WHRN: variants seen among roughly 807,000 people sequenced by gnomAD.
WHRN encodes the protein CASK-interacting protein CIP98.
Under a neutral mutation model 68.3 loss-of-function variants are expected in WHRN, and 41 were observed. The observed-to-expected ratio is 0.60, with a 90% CI of 0.47 to 0.78. The LOEUF (loss-of-function observed/expected upper bound fraction) is 0.78. Among genes scored for constraint, WHRN ranks in the 30% least tolerant of loss-of-function variants. The probability of loss-of-function intolerance (pLI) is 0.00; values close to 1 mark genes in which losing one functional copy is unlikely to be tolerated. For missense variants in WHRN, 1,243 were observed against 1,244.7 expected (o/e 1.00, Z 0.02); for synonymous variants, 560 against 561.3 (o/e 1.00, Z 0.03).
intron 3 of WHRN, 36 bp downstream of exon 3, chr9:114,466,231 T>C (rs1840677066): frequency 1.9e-6 from 3 of 1,612,976 alleles, no homozygotes; most frequent in South Asian, 2.2e-5. Flanking sequence ...AAGAGCTCCA[T>C]GCACAGAGTT....
intron 7 of WHRN, among the ~76,000 whole-genome samples, chr9:114,412,463 A>G (rs1336514154): frequency 1.3e-5 from 2 of 152,076 alleles, no homozygotes; most frequent in African/African-American, 2.4e-5. Context: ...GGGACCCTTC[A>G]CCCACTCTAC....
Position 114,466,307 on chromosome 9 carries a change from C to T in WHRN, c.923G>A (p.Gly308Asp). 2 of 1,614,138 alleles carry T rather than the reference C, an allele frequency of 1.2e-6. No homozygotes were observed. Among genetic ancestry groups the T allele is most frequent in the South Asian group, 2.2e-5 (2 of 91,092 alleles). ...AEYGLGIYIT[G>D]VDPGSEAEGS... Reference sequence around the variant, plus strand: ...TTCTGCTTCAGAGCCTGGGTCCACGCCAGTGATGTAAATGCCAAGGCCGTA... The same window carrying T: ...TTCTGCTTCAGAGCCTGGGTCCACGTCAGTGATGTAAATGCCAAGGCCGTA... The change falls in exon 3 of 12, where the codon GGC becomes GAC. Residue 308 changes from glycine (G) to aspartate (D), a missense_variant. Transcript: ENST00000362057.
At chr9:114,465,407 T>C (rs547225228) in intron 3 of WHRN, among the ~76,000 whole-genome samples, 1 of 152,304 alleles carries the variant, frequency 6.6e-6, no homozygotes, top group African/African-American at 2.4e-5. Context: ...CATGGTCCTT[T>C]GGCCAGCCAC....
chr9:114,428,199 G>A (rs1348717212), intron 3 of WHRN, among the ~76,000 whole-genome samples: 2 of 152,084 alleles, frequency 1.3e-5, no homozygotes, highest in African/African-American at 4.8e-5. Flanking sequence ...GAGGTGGTGC[G>A]CCTGTAGTCC....
intron 1 of WHRN, among the ~76,000 whole-genome samples, chr9:114,488,285 C>T (rs1034043370): frequency 3.9e-5 from 6 of 152,126 alleles, no homozygotes; most frequent in South Asian, 4.1e-4. Context: ...CTGGGCAGGG[C>T]GCACAGGAGG....
At chr9:114,470,342 C>T (rs1841100988) in intron 2 of WHRN, among the ~76,000 whole-genome samples, 1 of 152,120 alleles carries the variant, frequency 6.6e-6, no homozygotes, top group Non-Finnish European at 1.5e-5. Flanking sequence ...GTGCTAAGCC[C>T]ACACACAGGA....
chr9:114,466,640 G>C (rs541449262), intron 2 of WHRN, among the ~76,000 whole-genome samples: 4 of 152,278 alleles, frequency 2.6e-5, no homozygotes, highest in Admixed American at 2.6e-4. Flanking sequence ...GTAGTGGGGG[G>C]AAGGTGCTGA....
intron 1 of WHRN, among the ~76,000 whole-genome samples, chr9:114,502,123 T>A (rs1006735348): frequency 6.6e-6 from 1 of 152,322 alleles, no homozygotes; most frequent in Non-Finnish European, 1.5e-5. Context: ...TCATTTTGCC[T>A]GTTGCTTCTG....
intron 3 of WHRN, among the ~76,000 whole-genome samples, chr9:114,454,613 A>G (rs759095765): frequency 6.6e-6 from 1 of 152,198 alleles, no homozygotes; most frequent in Non-Finnish European, 1.5e-5. Flanking sequence ...GCAAGACTGA[A>G]TAGTATGAAG....
intron 1 of WHRN, among the ~76,000 whole-genome samples, chr9:114,497,614 A>T (rs939014252): frequency 3.9e-5 from 6 of 152,224 alleles, no homozygotes; most frequent in African/African-American, 1.4e-4. Flanking sequence ...AGAATGCATA[A>T]ATAATTCTAT....
rs749114026 is a variant in WHRN at position 114,504,625 on chromosome 9, G to A, written c.177C>T (p.Thr59=). 3.7e-6 allele frequency: 6 copies of A among 1,609,874 alleles called. No homozygotes were observed. In the African/African-American group the frequency reaches 5.3e-5, roughly 14 times the overall value. Residue 59 remains threonine (T), a synonymous_variant, in exon 1 of 12, where the codon ACC becomes ACT. Coordinates refer to ENST00000362057, the MANE Select transcript of WHRN (RefSeq NM_015404.4). ...LLSEAEREQF[T]HCLNAYHARR... Reference sequence around the variant, plus strand: ...GCGCGTGGTAAGCGTTCAGGCAGTGGGTGAACTGCTCCCGCTCCGCCTCGC... The same window carrying A: ...GCGCGTGGTAAGCGTTCAGGCAGTGAGTGAACTGCTCCCGCTCCGCCTCGC...
rs796867439 is a variant in WHRN at position 114,493,348 on chromosome 9, CTTT to C, written c.618+10833_618+10835del. Among the ~76,000 whole-genome samples the C allele has an allele frequency of 2.3e-3, 176 of 75,224 alleles. 1 individual carries two copies. The highest frequency in any genetic ancestry group is 9.1e-3 in the African/African-American group (166 of 18,198). 49.3% of individuals were successfully genotyped at this position (75,224 alleles called of 152,430 possible). The stretch of plus-strand genomic sequence containing the variant: ...CCTGGCCAACAGAATAAGACCCTAT[CTTT>C]TTTTTAAAAAAAAAAAAAAAGTGGG... On this transcript the variant is annotated intron_variant, in intron 1 of 11. Coordinates refer to ENST00000362057, the MANE Select transcript of WHRN (RefSeq NM_015404.4).
intron 1 of WHRN, among the ~76,000 whole-genome samples, chr9:114,492,195 C>CA (rs1438567364): frequency 6.6e-6 from 1 of 152,020 alleles, no homozygotes; most frequent in Non-Finnish European, 1.5e-5. Context: ...ATATACAAAA[C>CA]AAATTCCGTC....
chr9:114,464,869 CGTCT>C (rs1384961055), intron 3 of WHRN, among the ~76,000 whole-genome samples: 3 of 127,074 alleles, frequency 2.4e-5, no homozygotes, highest in African/African-American at 4.7e-5. Flanking sequence ...ATGATGATGT[CGTCT>C]GTCTGTCCCT....
chr9:114,403,085 G>T, intron 11 of WHRN, 132 bp downstream of exon 11: 1 of 1,542,322 alleles, frequency 6.5e-7, no homozygotes, highest in Non-Finnish European at 8.9e-7. Flanking sequence ...GCCCGGAAGA[G>T]CAAAGGTGAC....
Position 114,424,559 on chromosome 9 carries a change from A to T in WHRN, c.1204-13T>A. 3 of 1,601,872 alleles carry T rather than the reference A, an allele frequency of 1.9e-6. No individual in the cohort carries two copies. Among genetic ancestry groups the T allele is most frequent in the Non-Finnish European group, 2.6e-6 (3 of 1,174,134 alleles). On this transcript the variant is annotated splice_polypyrimidine_tract_variant and intron_variant, in intron 5 of 11. Transcript: ENST00000362057. The stretch of plus-strand genomic sequence containing the variant: ...TGTAAAATCCTGGCTGCAAGACAGA[A>T]AGATAGAAGCCCAGGAATTCTTAGC...
intron 1 of WHRN, among the ~76,000 whole-genome samples, chr9:114,502,481 C>T (rs1024518316): frequency 2.7e-5 from 4 of 148,790 alleles, no homozygotes; most frequent in African/African-American, 9.9e-5. Context: ...CATGGTGTTA[C>T]TGAGGGAGAT....
At chr9:114,405,902 A>G (rs929436124) in intron 9 of WHRN, among the ~76,000 whole-genome samples, 2 of 152,224 alleles carry the variant, frequency 1.3e-5, no homozygotes, top group African/African-American at 4.8e-5. Flanking sequence ...GGCCTCCCCA[A>G]GATTCTTCCT....
chr9:114,440,482 G>A (rs113558040), intron 3 of WHRN, among the ~76,000 whole-genome samples: 6 of 151,974 alleles, frequency 3.9e-5, no homozygotes, highest in Non-Finnish European at 8.8e-5. Context: ...CAGGTGATCC[G>A]CCCACTTCGG....
Sources: gnomAD v4.1 joint callset for allele counts (sites outside exome capture counted in the v4.1 genomes callset) on GRCh38, gnomAD v4.1.1 for gene constraint, MANE v1.5 for transcripts, NCBI Gene and HGNC (gene_info 2026-07-23, HGNC 2026-07-21) for gene names.